The following H3-3B variants were observed in gnomAD, a reference collection of about 807,000 sequenced individuals.
H3-3B encodes histone H3.3.
A neutral mutation model predicts 13.1 loss-of-function variants in H3-3B; 2 were observed. The ratio of observed to expected loss-of-function variants is 0.15; its 90% CI spans 0.06 to 0.48. The LOEUF is 0.48. Ranked by LOEUF, H3-3B falls within the 20% of genes least tolerant of loss-of-function variation. The pLI is 0.97. For missense variants in H3-3B, 39 were observed against 186.0 expected, an observed-to-expected ratio of 0.21 and a Z score of 4.60; for synonymous variants, 133 against 75.8, an observed-to-expected ratio of 1.76 and a Z score of -3.92.
rs368183110 is a variant in H3-3B, at chr17:75,779,193, G to A, written c.-10-9C>T. ...GGGCCATTTTCTTTCACCTAAGAAA[G>A]ACGCCCCGAAGATAAGGCCGCCGCG... is the stretch of plus-strand genomic sequence containing the variant. On this transcript the variant is annotated splice_polypyrimidine_tract_variant and intron_variant, in intron 1 of 3. Transcript: ENST00000254810. The A allele has an allele frequency of 1.7e-5, 25 of 1,486,788 alleles. No individual in the cohort carries two copies. Among genetic ancestry groups the A allele is most frequent in the South Asian group, 1.4e-4 (10 of 73,108 alleles). 92.1% of individuals were successfully genotyped at this position (1,486,788 alleles called of 1,614,324 possible).
Position 75,779,169 on chromosome 17 carries a change from G to C in H3-3B, c.6C>G (p.Ala2=). The stretch of plus-strand genomic sequence containing the variant: ...ACTTACGAGCAGTCTGCTTGGTTCG[G>C]GCCATTTTCTTTCACCTAAGAAAGA... M[A]RTKQTARKST... Residue 2 remains alanine (A), a synonymous_variant, in exon 2 of 4, where the codon GCC becomes GCG. Coordinates refer to ENST00000254810, the MANE Select transcript of H3-3B (RefSeq NM_005324.5). 3 of 1,539,752 alleles carry C rather than the reference G, an allele frequency of 1.9e-6. No individual in the cohort carries two copies. Among genetic ancestry groups the C allele is most frequent in the Non-Finnish European group, 2.6e-6 (3 of 1,147,958 alleles).
intron 1 of H3-3B, chr17:75,779,408 G>A (rs1291038156): frequency 3.1e-5 from 12 of 385,886 alleles, no homozygotes; most frequent in East Asian, 1.2e-4. Context: ...GCGGGGAGGA[G>A]TCACTTCCCT....
rs1256828308 is a variant in H3-3B at position 75,779,031 on chromosome 17, C to T, written c.128+16G>A. ...AGCCGGCCACCGCCGGGCCATTGTT[C>T]CCCCGCCCGACCTACCTGTAGCGAT... On this transcript the variant is annotated intron_variant, in intron 2 of 3. Coordinates refer to ENST00000254810, the MANE Select transcript of H3-3B (RefSeq NM_005324.5). The T allele has an allele frequency of 6.2e-7, 1 of 1,610,966 alleles. No individual in the cohort carries two copies. The highest frequency in any genetic ancestry group is 1.7e-5 in the Admixed American group (1 of 59,754).
chr17:75,779,489 C>A, intron 1 of H3-3B, 168 bp downstream of exon 1: 1 of 224,740 alleles, frequency 4.4e-6, no homozygotes, highest in Middle Eastern at 1.4e-3. Context: ...CGGGAAAAGG[C>A]GGGGACACAG....
chr17:75,776,979 T>C lies in H3-3B; in HGVS notation c.*1616A>G, dbSNP rs2061640782. 6.6e-6 allele frequency: 1 copy of C among 152,202 alleles called. No individual in the cohort carries two copies. Among genetic ancestry groups the C allele is most frequent in the Non-Finnish European group, 1.5e-5 (1 of 68,034 alleles). The allele number at this position is 152,202 out of a possible 1,614,324, so 9.4% of individuals were successfully genotyped here. A position where few individuals can be genotyped will look rare whatever the true frequency, so the allele number is the denominator to read the frequency against. ...TACCTACTTTACCTTCCCTCCAAAATATCACATTTGAAACTAACCCAAACT... is the reference window on the plus strand; with the variant it reads ...TACCTACTTTACCTTCCCTCCAAAACATCACATTTGAAACTAACCCAAACT... On this transcript the variant is annotated 3_prime_UTR_variant, in exon 4 of 4. Coordinates refer to ENST00000254810, the MANE Select transcript of H3-3B (RefSeq NM_005324.5).
Position 75,776,962 on chromosome 17 carries a change from T to TGG in H3-3B, c.*1632_*1633insCC. 1 of 152,338 alleles carries TGG rather than the reference T, an allele frequency of 6.6e-6. No homozygotes were observed. Among genetic ancestry groups the TGG allele is most frequent in the East Asian group, 1.9e-4 (1 of 5,196 alleles). The allele number at this position is 152,338 out of a possible 1,614,324, so 9.4% of individuals were successfully genotyped here. On this transcript the variant is annotated 3_prime_UTR_variant, in exon 4 of 4. Transcript: ENST00000254810. ...TATCACGACCTGAAAGATACCTACT[T>TGG]TACCTTCCCTCCAAAATATCACATT...
chr17:75,779,259 G>C (rs1329876794), intron 1 of H3-3B, 75 bp from the exon 2 acceptor site: 2 of 1,308,168 alleles, frequency 1.5e-6, no homozygotes. Flanking sequence ...GGGAGGAACA[G>C]ATCCTGGCCC....
Position 75,777,795 on chromosome 17 carries a change from A to G in H3-3B, c.*800T>C, listed in dbSNP as rs1301657337. 1 of 152,618 alleles carries G rather than the reference A, an allele frequency of 6.6e-6. No individual in the cohort carries two copies. The highest frequency in any genetic ancestry group is 1.5e-5 in the Non-Finnish European group (1 of 68,050). The allele number at this position is 152,618 out of a possible 1,614,324, so 9.5% of individuals were successfully genotyped here. Reference sequence around the variant, plus strand: ...CACTAACTAGTTCAGAATGTTAGTTAAGATGATGCTGGTGTGAATAACTCG... The same window carrying G: ...CACTAACTAGTTCAGAATGTTAGTTGAGATGATGCTGGTGTGAATAACTCG... On this transcript the variant is annotated 3_prime_UTR_variant, in exon 4 of 4. Transcript: ENST00000254810.
rs1034015594 is a variant in H3-3B at position 75,779,296 on chromosome 17, G to C, written c.-10-112C>G. 12 of 1,185,714 alleles carry C rather than the reference G, an allele frequency of 1.0e-5. No individual in the cohort carries two copies. In the South Asian group the frequency reaches 2.3e-4, roughly 23 times the overall value. The allele number at this position is 1,185,714 out of a possible 1,614,324, so 73.4% of individuals were successfully genotyped here. On this transcript the variant is annotated intron_variant, in intron 1 of 3. Coordinates refer to ENST00000254810, the MANE Select transcript of H3-3B (RefSeq NM_005324.5). ...ACCGCCGGGCCTCCCGCCTCCCCGC[G>C]CCCCACCTCGCGGCAGCAGATGGCC...
chr17:75,778,744 A>G, intron 3 of H3-3B, 21 bp from the exon 4 acceptor site: 1 of 1,614,056 alleles, frequency 6.2e-7, no homozygotes, highest in Non-Finnish European at 8.5e-7. Flanking sequence ...CGAGAGCCGC[A>G]CTATTAATCC....
chr17:75,779,479 CG>C (rs2061655733), intron 1 of H3-3B, 177 bp downstream of exon 1: 1 of 236,366 alleles, frequency 4.2e-6, no homozygotes, highest in Non-Finnish European at 8.1e-6. Flanking sequence ...GAATCACCGC[CG>C]GGAAAAGGCG....
At chr17:75,778,765 G>C (rs780930857) in intron 3 of H3-3B, 42 bp from the exon 4 acceptor site, 2 of 1,614,134 alleles carry the variant, frequency 1.2e-6, no homozygotes, top group African/African-American at 2.7e-5. Context: ...CACTCGGGGA[G>C]CGGAAACCGC....
rs2061654618 is a variant in H3-3B, at chr17:75,779,321, C to T, written c.-10-137G>A. The T allele has an allele frequency of 2.2e-5, 21 of 961,876 alleles. No homozygotes were observed. The East Asian group carries it at 6.9e-4, about 32-fold the overall frequency. The allele number at this position is 961,876 out of a possible 1,614,324, so 59.6% of individuals were successfully genotyped here. A position where few individuals can be genotyped will look rare whatever the true frequency, so the allele number is the denominator to read the frequency against. On this transcript the variant is annotated intron_variant, in intron 1 of 3. Coordinates refer to ENST00000254810, the MANE Select transcript of H3-3B (RefSeq NM_005324.5). The stretch of plus-strand genomic sequence containing the variant: ...GCCCCACCTCGCGGCAGCAGATGGC[C>T]GAGGGCCGCCAACCTCCTCCCCCTC...
At chr17:75,779,447 G>A (rs62088218) in intron 1 of H3-3B, 47 of 302,138 alleles carry the variant, frequency 1.6e-4, no homozygotes, top group Non-Finnish European at 2.2e-4. Context: ...CCGACTGCCC[G>A]GAACCCGGCG....
intron 2 of H3-3B, 21 bp from the exon 3 acceptor site, chr17:75,778,984 G>C (rs753840984): frequency 1.9e-6 from 3 of 1,613,850 alleles, no homozygotes; most frequent in African/African-American, 2.7e-5. Flanking sequence ...CAGGGGAGGA[G>C]TGAGCGGACG....
chr17:75,779,428 G>A (rs949216225), intron 1 of H3-3B: 8 of 336,500 alleles, frequency 2.4e-5, no homozygotes, highest in African/African-American at 1.3e-4. Context: ...TTCCTCGACG[G>A]GCGGAGGCCC....
Position 75,779,747 on chromosome 17 carries a change from C to G in H3-3B, c.-101G>C, listed in dbSNP as rs560645352. On this transcript the variant is annotated 5_prime_UTR_variant, in exon 1 of 4. Transcript: ENST00000254810. ...GCAGTCGACGAGCGAAAAACCAGCACCGCCCAACGAACGACCAAACCGCTC... is the reference window on the plus strand; with the variant it reads ...GCAGTCGACGAGCGAAAAACCAGCAGCGCCCAACGAACGACCAAACCGCTC... 1 of 153,736 alleles carries G rather than the reference C, an allele frequency of 6.5e-6. No individual in the cohort carries two copies. The highest frequency in any genetic ancestry group is 2.4e-5 in the African/African-American group (1 of 41,484). The allele number at this position is 153,736 out of a possible 1,614,324, so 9.5% of individuals were successfully genotyped here. A position where few individuals can be genotyped will look rare whatever the true frequency, so the allele number is the denominator to read the frequency against.
chr17:75,779,636 G>A lies in H3-3B; in HGVS notation c.-11+21C>T, dbSNP rs114128547. 190 of 156,094 alleles carry A rather than the reference G, an allele frequency of 1.2e-3. 2 individuals are homozygous for A. Among genetic ancestry groups the A allele is most frequent in the African/African-American group, 4.5e-3 (189 of 41,620 alleles). The allele number at this position is 156,094 out of a possible 1,614,324, so 9.7% of individuals were successfully genotyped here. ...ACGGTTGGCAGAACCTGAAGCCGCG[G>A]GTAAACCTACGAACGCCTACCCAAC... On this transcript the variant is annotated intron_variant, in intron 1 of 3. Coordinates refer to ENST00000254810, the MANE Select transcript of H3-3B (RefSeq NM_005324.5).
In H3-3B at chr17:75,777,928, T is replaced by C. The variant is rs1002702243; in HGVS notation, c.*667A>G. On this transcript the variant is annotated 3_prime_UTR_variant, in exon 4 of 4. Transcript: ENST00000254810. ...GACTTATGCAAGGTATAAATGCGCATAGCATTTTACTACTATGAGAACAAG... is the reference window on the plus strand; with the variant it reads ...GACTTATGCAAGGTATAAATGCGCACAGCATTTTACTACTATGAGAACAAG... 1 of 152,614 alleles carries C rather than the reference T, an allele frequency of 6.6e-6. No homozygotes were observed. The highest frequency in any genetic ancestry group is 1.5e-5 in the Non-Finnish European group (1 of 68,032). 9.5% of individuals were successfully genotyped at this position (152,614 alleles called of 1,614,324 possible).
Sources: gnomAD v4.1 joint callset for allele counts on GRCh38, gnomAD v4.1.1 for gene constraint, MANE v1.5 for transcripts, NCBI Gene and HGNC (gene_info 2026-07-23, HGNC 2026-07-21) for gene names.